Variants in EPG5 observed in about 807,000 individuals in gnomAD.
EPG5 encodes the protein ectopic P-granules 5 autophagy tethering factor.
In EPG5, 159 loss-of-function variants were observed where a neutral mutation model predicts 302.7. The ratio of observed to expected loss-of-function variants is 0.53; its 90% confidence interval spans 0.46 to 0.60. The LOEUF (loss-of-function observed/expected upper bound fraction) is 0.60, where lower values mean the gene tolerates loss of function less well. EPG5 is among the 20% of genes least tolerant of loss of function. The pLI, the probability that EPG5 is intolerant of heterozygous loss-of-function variation, is 0.00. For synonymous variants in EPG5, 1,158 were observed against 1,136.8 expected, an observed-to-expected ratio of 1.02 and a Z score of -0.37; for missense variants, 2,896 against 3,092.4, an observed-to-expected ratio of 0.94 and a Z score of 1.51.
Position 45,858,636 on chromosome 18 carries a change from C to T in EPG5, c.7156G>A (p.Glu2386Lys), listed in dbSNP as rs373944025. 6.8e-6 allele frequency: 11 copies of T among 1,613,932 alleles called. No homozygotes were observed. The highest frequency in any genetic ancestry group is 5.3e-5 in the African/African-American group (4 of 74,882). Residue 2386 changes from glutamate to lysine, a missense_variant, in exon 41 of 44, where the codon GAA (glutamate) becomes AAA (lysine). By Grantham distance (56) the Glu-to-Lys change is moderately conservative. Transcript: ENST00000282041. ...TTCATTTCATTCCTTAAAGTCTGTT[C>T]GCTGTTTAAACACTGAAGCAAGTAG... Reference protein sequence around the residue: ...YVYLLQCLNSEQTLRNEMKVL... With the variant: ...YVYLLQCLNSKQTLRNEMKVL...
At chr18:45,902,966 C>G (rs572683558) in intron 25 of EPG5, among the ~76,000 whole-genome samples, 2 of 152,240 alleles carry the variant, frequency 1.3e-5, no homozygotes, top group Admixed American at 1.3e-4. Context: ...AGACAGTGCT[C>G]GGAACAAACG....
At chr18:45,837,835 G>A in the EPG5 span, 1 of 1,535,906 alleles carries the variant, frequency 6.5e-7, no homozygotes, top group Non-Finnish European at 8.7e-7. Flanking sequence ...GCCGCGTCGA[G>A]TTCGCCGGCG....
At chr18:45,835,978 G>A in the EPG5 span, among the ~76,000 whole-genome samples, 2 of 152,186 alleles carry the variant, frequency 1.3e-5, no homozygotes, top group Admixed American at 6.5e-5. Flanking sequence ...ATGAGAAAGC[G>A]ATGTGCACAC....
the EPG5 span, among the ~76,000 whole-genome samples, chr18:45,827,352 C>A: frequency 6.6e-6 from 1 of 152,204 alleles, no homozygotes; most frequent in African/African-American, 2.4e-5. Context: ...GGCCCCCCCA[C>A]TACCCCACCC....
intron 29 of EPG5, 45 bp from the exon 30 acceptor site, chr18:45,884,856 C>T (rs755581721): frequency 2.9e-6 from 4 of 1,401,106 alleles, no homozygotes; most frequent in South Asian, 1.5e-5. Flanking sequence ...TCTTCCCTCA[C>T]AACCTTTATT....
At chr18:45,966,375 CAAA>C (rs540209261) in intron 1 of EPG5, among the ~76,000 whole-genome samples, 1 of 73,068 alleles carries the variant, frequency 1.4e-5, no homozygotes, top group Non-Finnish European at 2.9e-5. Context: ...GACTCTGTCT[CAAA>C]AAAAAAAAAA....
In EPG5 at chr18:45,952,460, A is replaced by G. The variant is rs772236283; in HGVS notation, c.1192T>C (p.Tyr398His). The G allele has an allele frequency of 6.8e-6, 11 of 1,614,218 alleles. No homozygotes were observed. The highest frequency in any genetic ancestry group is 1.7e-5 in the Admixed American group (1 of 60,034). Residue 398 changes from tyrosine to histidine, a missense_variant, in exon 3 of 44, where the codon TAT (tyrosine) becomes CAT (histidine). By Grantham distance (83) the Tyr-to-His change is moderately conservative. Around this residue, in one of 5 missense-constraint regions of EPG5, gnomAD observed 1,390 missense variants for 1,430.0 expected, o/e 0.97. Coordinates refer to ENST00000282041, the MANE Select transcript of EPG5 (RefSeq NM_020964.3). ...LSRLQVESYI[Y>H]ALLSSSAVLR... is the part of the protein sequence containing the mutation. ...ACAGCTGAACTACTGAGCAATGCAT[A>G]GATGTAAGACTCCACTTGCAATCTT... is the stretch of plus-strand genomic sequence containing the variant.
At chr18:45,867,412 T>C (rs1485302510) in intron 37 of EPG5, 151 bp downstream of exon 37, 1 of 676,100 alleles carries the variant, frequency 1.5e-6, no homozygotes, top group East Asian at 2.5e-5. Flanking sequence ...TCCAAGAAAA[T>C]CAGGCATCTG....
At chr18:45,868,692 C>T (rs1051434093) in intron 36 of EPG5, among the ~76,000 whole-genome samples, 7 of 150,634 alleles carry the variant, frequency 4.6e-5, no homozygotes, top group African/African-American at 1.7e-4. Flanking sequence ...TAATGTAATG[C>T]TGTATTATAA....
intron 27 of EPG5, among the ~76,000 whole-genome samples, chr18:45,898,984 G>C (rs1430086250): frequency 6.6e-6 from 1 of 152,168 alleles, no homozygotes; most frequent in Non-Finnish European, 1.5e-5. Context: ...AATTAGCCGG[G>C]CGTGGTGGCA....
At chr18:45,818,502 T>C in the EPG5 span, among the ~76,000 whole-genome samples, 1 of 152,184 alleles carries the variant, frequency 6.6e-6, no homozygotes, top group Non-Finnish European at 1.5e-5. Flanking sequence ...TTTAAAATGT[T>C]TGCCAGTCTG....
At chr18:45,838,047 G>T in the EPG5 span, 1 of 1,060,876 alleles carries the variant, frequency 9.4e-7, no homozygotes, top group Non-Finnish European at 1.3e-6. Context: ...TCACACCTGG[G>T]GGTAGTTTAG....
Position 45,964,910 on chromosome 18 carries a change from G to A in EPG5, c.63+2267C>T, listed in dbSNP as rs142023125. Among the ~76,000 whole-genome samples the A allele has an allele frequency of 7.0e-3, 1,063 of 152,206 alleles. 9 individuals are homozygous for A. Among genetic ancestry groups the A allele is most frequent in the African/African-American group, 0.024 (994 of 41,522 alleles). On this transcript the variant is annotated intron_variant, in intron 1 of 43. Coordinates refer to ENST00000282041, the MANE Select transcript of EPG5 (RefSeq NM_020964.3). ...AGACGTTGTGGTGAGCAGAGATCGC[G>A]CCACTGCACTCCAGCCTGGGCAACA...
intron 16 of EPG5, among the ~76,000 whole-genome samples, chr18:45,920,511 C>T (rs1211613460): frequency 6.6e-6 from 1 of 152,172 alleles, no homozygotes; most frequent in African/African-American, 2.4e-5. Context: ...ATAATTCTGC[C>T]GGCTGGAAGA....
In EPG5 at chr18:45,882,254, A is replaced by G; in HGVS notation, c.5518+20T>C. On this transcript the variant is annotated intron_variant, in intron 31 of 43. Transcript: ENST00000282041. Reference sequence around the variant, plus strand: ...TATTCACTAAGATCTAGTTAGTTACAATTAAATGAAGACACTTACTTTGCA... The same window carrying G: ...TATTCACTAAGATCTAGTTAGTTACGATTAAATGAAGACACTTACTTTGCA... The G allele has an allele frequency of 6.4e-7, 1 of 1,573,952 alleles. No individual in the cohort carries two copies. The highest frequency in any genetic ancestry group is 2.2e-5 in the East Asian group (1 of 44,706).
In EPG5 at chr18:45,916,213, A is replaced by T. The variant is rs571924332; in HGVS notation, c.3385-7T>A. On this transcript the variant is annotated splice_region_variant and splice_polypyrimidine_tract_variant and intron_variant, in intron 18 of 43. Coordinates refer to ENST00000282041, the MANE Select transcript of EPG5 (RefSeq NM_020964.3). ...TGCTTACAGATATGTGTGCCTGTGG[A>T]GAAAAGGCTCATGTGATGGGAAAGA... The T allele has an allele frequency of 6.2e-7, 1 of 1,602,858 alleles. No homozygotes were observed. Among genetic ancestry groups the T allele is most frequent in the South Asian group, 1.1e-5 (1 of 88,962 alleles).
chr18:45,827,569 T>C, the EPG5 span, among the ~76,000 whole-genome samples: 1 of 152,202 alleles, frequency 6.6e-6, no homozygotes, highest in Non-Finnish European at 1.5e-5. Flanking sequence ...GTTTGCTGTT[T>C]ACTGGCTGCA....
chr18:45,842,249 T>G, the EPG5 span: 1 of 1,578,616 alleles, frequency 6.3e-7, no homozygotes, highest in Non-Finnish European at 8.7e-7. Flanking sequence ...AGTGCGAGGC[T>G]TGGCTGGCAC....
intron 29 of EPG5, among the ~76,000 whole-genome samples, chr18:45,886,573 TAGTC>T (rs1159559827): frequency 6.6e-6 from 1 of 152,256 alleles, no homozygotes; most frequent in Non-Finnish European, 1.5e-5. Context: ...GTTAGCTATG[TAGTC>T]AGTATTTCTA....
Sources: gnomAD v4.1 joint callset for allele counts (sites outside exome capture counted in the v4.1 genomes callset) on GRCh38, gnomAD v4.1.1 for gene constraint, gnomAD v4.1.1 regional missense constraint, MANE v1.5 for transcripts, NCBI Gene and HGNC (gene_info 2026-07-23, HGNC 2026-07-21) for gene names.